WDR7: variants seen among roughly 807,000 people sequenced by gnomAD.
WDR7 encodes the protein WD repeat domain 7.
A neutral mutation model predicts 169.4 loss-of-function variants in WDR7; 46 were observed. That is an observed-to-expected ratio of 0.27 (90% CI 0.21 to 0.35). The LOEUF is 0.35. Ranked by LOEUF, WDR7 falls within the 10% of genes least tolerant of loss-of-function variation. The pLI is 1.00. For missense variants in WDR7, 1,534 were observed against 1,859.3 expected (o/e 0.83, Z 3.22); for synonymous variants, 612 against 666.8 (o/e 0.92, Z 1.27).
chr18:56,722,984 C>G (rs2026357368), intron 13 of WDR7, among the ~76,000 whole-genome samples: 1 of 152,142 alleles, frequency 6.6e-6, no homozygotes, highest in East Asian at 1.9e-4. Flanking sequence ...ATATTAATGT[C>G]TTAATGAATA....
chr18:56,836,050 T>C (rs2045391107), intron 20 of WDR7, among the ~76,000 whole-genome samples: 1 of 152,144 alleles, frequency 6.6e-6, no homozygotes. Context: ...TAAGGAAAAT[T>C]AAAAGAAAAA....
intron 12 of WDR7, among the ~76,000 whole-genome samples, chr18:56,702,501 A>G (rs1259281648): frequency 3.3e-5 from 5 of 152,254 alleles, no homozygotes; most frequent in Non-Finnish European, 4.4e-5. Flanking sequence ...AATAACACTA[A>G]TCACCCAGTA....
At chr18:56,803,121 T>A (rs1265186616) in intron 19 of WDR7, among the ~76,000 whole-genome samples, 2 of 152,174 alleles carry the variant, frequency 1.3e-5, no homozygotes, top group African/African-American at 4.8e-5. Context: ...TTCTTATGAG[T>A]TTCATCCATC....
At chr18:56,698,283 C>T (rs2025747788) in intron 12 of WDR7, among the ~76,000 whole-genome samples, 1 of 151,744 alleles carries the variant, frequency 6.6e-6, no homozygotes, top group Non-Finnish European at 1.5e-5. Flanking sequence ...TATATATTCC[C>T]TTGTGTTTTT....
chr18:56,712,802 G>C (rs2026113982), intron 12 of WDR7, among the ~76,000 whole-genome samples: 3 of 152,190 alleles, frequency 2.0e-5, no homozygotes, highest in Admixed American at 2.0e-4. Flanking sequence ...TACTGAAGTA[G>C]AATAGATGAG....
At chr18:56,837,116 T>C (rs528882256) in intron 20 of WDR7, among the ~76,000 whole-genome samples, 2 of 152,330 alleles carry the variant, frequency 1.3e-5, no homozygotes, top group South Asian at 4.1e-4. Flanking sequence ...TCACTCACAT[T>C]TTAACCATTT....
chr18:56,758,866 C>A lies in WDR7; in HGVS notation c.2761C>A (p.Pro921Thr). 1 of 1,602,070 alleles carries A rather than the reference C, an allele frequency of 6.2e-7. No individual in the cohort carries two copies. Among genetic ancestry groups the A allele is most frequent in the Non-Finnish European group, 8.5e-7 (1 of 1,175,244 alleles). Reference protein sequence around the residue: ...GDHMKKGPTRPPRPSTPDLSK... With the variant: ...GDHMKKGPTRTPRPSTPDLSK... ...TGTATTTTTTTCTTCTTTTTTAAGG[C>A]CACCTAGACCAAGCACCCCAGACCT... Residue 921 changes from proline (P) to threonine (T), a missense_variant and splice_region_variant, in exon 16 of 28, where the codon CCA (proline) becomes ACA (threonine). Transcript: ENST00000254442.
intron 26 of WDR7, among the ~76,000 whole-genome samples, chr18:56,963,347 A>G (rs1179457160): frequency 2.0e-5 from 3 of 152,180 alleles, no homozygotes; most frequent in Non-Finnish European, 4.4e-5. Context: ...TATATTCCAT[A>G]TTATCGTATT....
chr18:56,779,045 G>C (rs2044280210), intron 17 of WDR7, among the ~76,000 whole-genome samples: 1 of 152,170 alleles, frequency 6.6e-6, no homozygotes, highest in African/African-American at 2.4e-5. Context: ...CTGTGTGAAT[G>C]CCCTTTTAAC....
At chr18:56,766,966 C>A (rs745383102) in intron 16 of WDR7, among the ~76,000 whole-genome samples, 3 of 152,076 alleles carry the variant, frequency 2.0e-5, no homozygotes, top group Non-Finnish European at 4.4e-5. Flanking sequence ...TTGAATTTTG[C>A]CTGTTTGGGT....
intron 26 of WDR7, among the ~76,000 whole-genome samples, chr18:56,979,974 A>G (rs2047618715): frequency 6.6e-6 from 1 of 152,232 alleles, no homozygotes; most frequent in Admixed American, 6.5e-5. Flanking sequence ...TAAAGCAACC[A>G]GAGACTTCCT....
intron 16 of WDR7, among the ~76,000 whole-genome samples, chr18:56,764,675 A>T (rs965460827): frequency 1.3e-5 from 2 of 152,114 alleles, no homozygotes; most frequent in African/African-American, 4.8e-5. Context: ...CCCAAAATAT[A>T]GTCTGTCTTG....
At chr18:56,862,732 C>A (rs1047970554) in intron 20 of WDR7, among the ~76,000 whole-genome samples, 1 of 151,584 alleles carries the variant, frequency 6.6e-6, no homozygotes, top group Non-Finnish European at 1.5e-5. Context: ...AGAAGATGTA[C>A]CTTTATTTTA....
chr18:56,735,390 A>T (rs769948777), intron 14 of WDR7, among the ~76,000 whole-genome samples: 21 of 152,188 alleles, frequency 1.4e-4, no homozygotes, highest in Non-Finnish European at 2.6e-4. Context: ...GGAGACGTGC[A>T]TCTTATTGGT....
At chr18:56,866,755 T>A (rs2045888106) in intron 20 of WDR7, among the ~76,000 whole-genome samples, 1 of 152,194 alleles carries the variant, frequency 6.6e-6, no homozygotes, top group Admixed American at 6.5e-5. Flanking sequence ...GTAGGAGTTT[T>A]CAGTAAAGTT....
intron 21 of WDR7, among the ~76,000 whole-genome samples, chr18:56,907,082 T>G (rs1222780938): frequency 6.6e-6 from 1 of 152,202 alleles, no homozygotes; most frequent in Non-Finnish European, 1.5e-5. Flanking sequence ...CACTCAGCTT[T>G]CCAAGTCTGT....
chr18:56,851,838 C>G (rs2045645073), intron 20 of WDR7, among the ~76,000 whole-genome samples: 1 of 152,184 alleles, frequency 6.6e-6, no homozygotes, highest in South Asian at 2.1e-4. Flanking sequence ...CTTCCCCCAC[C>G]TTCTTGCTCA....
intron 14 of WDR7, among the ~76,000 whole-genome samples, chr18:56,745,391 C>T (rs1381009208): frequency 6.6e-6 from 1 of 152,172 alleles, no homozygotes; most frequent in African/African-American, 2.4e-5. Context: ...TCCAGAACAG[C>T]ACGCCCCAAC....
chr18:56,944,679 A>T (rs554465610), intron 25 of WDR7, among the ~76,000 whole-genome samples: 34 of 152,340 alleles, frequency 2.2e-4, no homozygotes, highest in Non-Finnish European at 3.8e-4. Context: ...CATCTGTTTG[A>T]AAACAGAAAT....
Sources: gnomAD v4.1 joint callset for allele counts (sites outside exome capture counted in the v4.1 genomes callset) on GRCh38, gnomAD v4.1.1 for gene constraint, MANE v1.5 for transcripts, NCBI Gene and HGNC (gene_info 2026-07-23, HGNC 2026-07-21) for gene names.